Variants in GABRG2 observed in about 807,000 individuals in gnomAD.
The protein encoded by GABRG2 is gamma-aminobutyric acid receptor subunit gamma-2.
Under a neutral mutation model 56.4 loss-of-function variants are expected in GABRG2, and 16 were observed. That is an observed-to-expected ratio of 0.28 (90% CI 0.19 to 0.43). GABRG2 has a LOEUF of 0.43. Ranked by LOEUF, GABRG2 falls within the 20% of genes least tolerant of loss-of-function variation. The pLI is 1.00. For synonymous variants in GABRG2, 208 were observed against 205.5 expected (o/e 1.01, Z -0.10); for missense variants, 327 against 582.7 (o/e 0.56, Z 4.52).
chr5:162,096,707 CTCA>C, intron 3 of GABRG2, among the ~76,000 whole-genome samples: 3 of 150,036 alleles, frequency 2.0e-5, no homozygotes, highest in Admixed American at 2.0e-4. Flanking sequence ...AGGCAAAAGA[CTCA>C]GGCCTAATGG....
chr5:162,153,314 C>A lies in GABRG2; in HGVS notation c.1374C>A (p.Pro458=). 1 of 1,614,060 alleles carries A rather than the reference C, an allele frequency of 6.2e-7. No individual in the cohort carries two copies. Among genetic ancestry groups the A allele is most frequent in the Admixed American group, 1.7e-5 (1 of 60,004 alleles). ...ACTCCTATGCTCGGATCTTCTTCCC[C>A]ACTGCCTTCTGCCTGTTTAATCTGG... The part of the protein sequence containing the change: ...KMDSYARIFF[P]TAFCLFNLVY... Residue 458 remains proline (P), a synonymous_variant, in exon 10 of 10, where the codon CCC becomes CCA. Transcript: ENST00000639213.
intron 6 of GABRG2, among the ~76,000 whole-genome samples, chr5:162,109,159 G>A (rs574319490): frequency 2.6e-5 from 4 of 151,668 alleles, no homozygotes; most frequent in Non-Finnish European, 2.9e-5. Context: ...ATCAAACACC[G>A]CATGTTCTCC....
intron 6 of GABRG2, among the ~76,000 whole-genome samples, chr5:162,107,555 C>T (rs529715767): frequency 6.6e-6 from 1 of 152,310 alleles, no homozygotes; most frequent in East Asian, 1.9e-4. Context: ...CATCCACCAC[C>T]TGAATCATCT....
At position 162,151,715 on chromosome 5, in the gene GABRG2, T is replaced by C. The variant is rs1235471626; in HGVS notation, c.1129-15T>C. 2 of 1,606,576 alleles carry C rather than the reference T, an allele frequency of 1.2e-6. No homozygotes were observed. Among genetic ancestry groups the C allele is most frequent in the Non-Finnish European group, 1.7e-6 (2 of 1,176,168 alleles). On this transcript the variant is annotated splice_polypyrimidine_tract_variant and intron_variant, in intron 8 of 9. Transcript: ENST00000639213. The stretch of plus-strand genomic sequence containing the variant: ...AAAACAAATGCAATTCTCTTTTCTG[T>C]CTACAAACCCAAAGCTTCTTCGGAT...
intron 9 of GABRG2, chr5:162,152,856 T>C (rs1370413939): frequency 1.7e-6 from 1 of 603,244 alleles, no homozygotes; most frequent in African/African-American, 1.9e-5. Flanking sequence ...ATCTCCTTGC[T>C]ATAGCTATTA....
chr5:162,102,619 T>C (rs1182461483), intron 5 of GABRG2: 3 of 451,444 alleles, frequency 6.6e-6, no homozygotes, highest in African/African-American at 6.1e-5. Flanking sequence ...CAGCCTTCGC[T>C]TCTGGGGCTC....
intron 6 of GABRG2, among the ~76,000 whole-genome samples, chr5:162,134,986 T>G (rs748423400): frequency 1.8e-4 from 28 of 152,188 alleles, no homozygotes; most frequent in Non-Finnish European, 3.5e-4. Context: ...AAAATTATAT[T>G]TCCCTCAATT....
chr5:162,152,572 G>T, intron 9 of GABRG2: 1 of 294,940 alleles, frequency 3.4e-6, no homozygotes, highest in Non-Finnish European at 6.8e-6. Flanking sequence ...TACCATTGTG[G>T]TATACAATCA....
At chr5:162,152,975 C>T (rs1041516262) in intron 9 of GABRG2, 118 bp from the exon 10 acceptor site, 47 of 1,183,460 alleles carry the variant, frequency 4.0e-5, no homozygotes, top group Admixed American at 3.5e-5. Context: ...GATGTCATAG[C>T]AATTTCCTGA....
Position 162,088,128 on chromosome 5 carries a change from C to T in GABRG2, c.108-5700C>T, listed in dbSNP as rs544180618. Among the ~76,000 whole-genome samples the T allele has an allele frequency of 3.3e-5, 5 of 152,124 alleles. No individual in the cohort carries two copies. In the South Asian group the frequency reaches 1.0e-3, roughly 32 times the overall value. ...CTGGGAGGAATAAAATCCCACAGGC[C>T]ATTGAAGGACCTATATGAAGGAGCA... On this transcript the variant is annotated intron_variant, in intron 1 of 9. Coordinates refer to ENST00000639213, the MANE Select transcript of GABRG2 (RefSeq NM_198904.4).
chr5:162,068,536 G>T (rs1043363117), intron 1 of GABRG2, among the ~76,000 whole-genome samples: 1 of 151,724 alleles, frequency 6.6e-6, no homozygotes. Flanking sequence ...GAGGGAGCTG[G>T]GGGGAGGGGC....
chr5:162,145,653 A>C lies in GABRG2; in HGVS notation c.922+3337A>C, dbSNP rs529723271. 7.9e-5 allele frequency among the ~76,000 whole-genome samples: 12 copies of C among 152,166 alleles called. No homozygotes were observed. In the South Asian group the frequency reaches 2.5e-3, roughly 32 times the overall value. ...TGAATGCCTATGTAGCCTAAATAACATTTTCCCAATTTGCTGGAACAGTAT... is the reference window on the plus strand; with the variant it reads ...TGAATGCCTATGTAGCCTAAATAACCTTTTCCCAATTTGCTGGAACAGTAT... On this transcript the variant is annotated intron_variant, in intron 7 of 9. Transcript: ENST00000639213.
At chr5:162,072,787 T>C (rs1320915564) in intron 1 of GABRG2, among the ~76,000 whole-genome samples, 2 of 151,818 alleles carry the variant, frequency 1.3e-5, no homozygotes, top group South Asian at 2.1e-4. Context: ...ACCAAGATTA[T>C]AGATAGATTA....
intron 1 of GABRG2, among the ~76,000 whole-genome samples, chr5:162,075,808 GT>G: frequency 6.6e-6 from 1 of 152,104 alleles, no homozygotes; most frequent in South Asian, 2.1e-4. Flanking sequence ...TAGTATACTT[GT>G]TAATAGCATA....
intron 7 of GABRG2, among the ~76,000 whole-genome samples, chr5:162,146,472 A>G (rs1439701988): frequency 6.6e-6 from 1 of 152,146 alleles, no homozygotes; most frequent in Non-Finnish European, 1.5e-5. Context: ...AAAAAGATCA[A>G]TAAATCTTAA....
At chr5:162,142,030 A>G (rs989295548) in intron 6 of GABRG2, 134 bp from the exon 7 acceptor site, 6 of 1,173,262 alleles carry the variant, frequency 5.1e-6, no homozygotes, top group Non-Finnish European at 7.5e-6. Flanking sequence ...GCGGGCAAAA[A>G]TAGTTTTCAA....
chr5:162,073,362 T>G (rs1758828572), intron 1 of GABRG2, among the ~76,000 whole-genome samples: 1 of 151,962 alleles, frequency 6.6e-6, no homozygotes, highest in South Asian at 2.1e-4. Flanking sequence ...TTTGTGTCTA[T>G]GTAAGTAAAG....
intron 1 of GABRG2, among the ~76,000 whole-genome samples, chr5:162,083,790 T>C (rs209350): frequency 0.79 from 119,624 of 151,670 alleles, 47,270 homozygotes; most frequent in South Asian, 0.81. Context: ...AAATATAAGC[T>C]GTTTAATGAA....
At chr5:162,127,992 C>A (rs992071479) in intron 6 of GABRG2, among the ~76,000 whole-genome samples, 3 of 151,942 alleles carry the variant, frequency 2.0e-5, no homozygotes, top group Non-Finnish European at 4.4e-5. Context: ...AGGTGGAAAG[C>A]AAGGCTTTGG....
Sources: gnomAD v4.1 joint callset for allele counts (sites outside exome capture counted in the v4.1 genomes callset) on GRCh38, gnomAD v4.1.1 for gene constraint, MANE v1.5 for transcripts, NCBI Gene and HGNC (gene_info 2026-07-23, HGNC 2026-07-21) for gene names.